The following CNTN5 variants were observed in gnomAD, a reference collection of about 807,000 sequenced individuals.
The protein encoded by CNTN5 is contactin-5.
A neutral mutation model predicts 129.1 loss-of-function variants in CNTN5; 77 were observed. That is an observed-to-expected ratio of 0.60 (90% CI 0.50 to 0.72). CNTN5 has a LOEUF of 0.72. Ranked by LOEUF, CNTN5 falls within the 30% of genes least tolerant of loss-of-function variation. The pLI is 0.00. For missense variants in CNTN5, 1,478 were observed against 1,328.8 expected (o/e 1.11, Z -1.75); for synonymous variants, 509 against 465.6 (o/e 1.09, Z -1.20).
intron 16 of CNTN5, among the ~76,000 whole-genome samples, chr11:100,231,553 T>TA (rs914437673): frequency 3.3e-5 from 5 of 152,256 alleles, no homozygotes; most frequent in South Asian, 2.1e-4. Context: ...AAGTTATACT[T>TA]AGAGTGTCAA....
chr11:99,746,820 A>C (rs1338886844), intron 3 of CNTN5, among the ~76,000 whole-genome samples: 1 of 152,158 alleles, frequency 6.6e-6, no homozygotes, highest in Non-Finnish European at 1.5e-5. Context: ...ATGTTTTGTT[A>C]ATTATAGTGT....
intron 3 of CNTN5, among the ~76,000 whole-genome samples, chr11:99,807,958 T>C (rs1372216071): frequency 1.3e-5 from 2 of 152,190 alleles, no homozygotes; most frequent in Non-Finnish European, 1.5e-5. Flanking sequence ...ATCTGAACCC[T>C]GTAACTTATT....
chr11:99,336,673 C>T (rs1204864637), intron 2 of CNTN5, among the ~76,000 whole-genome samples: 1 of 151,904 alleles, frequency 6.6e-6, no homozygotes, highest in Non-Finnish European at 1.5e-5. Flanking sequence ...GACTCCGTCT[C>T]TACTAAAAGT....
rs117016039 is a variant in CNTN5 at position 99,970,596 on chromosome 11, C to T, written c.877+13587C>T. On this transcript the variant is annotated intron_variant, in intron 8 of 24. Transcript: ENST00000524871. Reference sequence around the variant, plus strand: ...ACTTAGAAAAGTGCCTGTTATTTAACAAACTTTAGTAAAGGTTAGCTATTA... The same window carrying T: ...ACTTAGAAAAGTGCCTGTTATTTAATAAACTTTAGTAAAGGTTAGCTATTA... Among the ~76,000 whole-genome samples, 143 of 152,246 alleles carry T rather than the reference C, an allele frequency of 9.4e-4. 2 individuals carry two copies. The East Asian group carries it at 0.023, about 25-fold the overall frequency.
At chr11:99,701,770 G>T (rs950381093) in intron 3 of CNTN5, among the ~76,000 whole-genome samples, 1 of 150,882 alleles carries the variant, frequency 6.6e-6, no homozygotes, top group Non-Finnish European at 1.5e-5. Context: ...ATTTAGAATT[G>T]TTCTCTGACT....
chr11:99,809,709 C>T (rs1356582406), intron 3 of CNTN5, among the ~76,000 whole-genome samples: 1 of 152,058 alleles, frequency 6.6e-6, no homozygotes, highest in Non-Finnish European at 1.5e-5. Context: ...TATGTAAAAG[C>T]ACAACTTGCC....
intron 1 of CNTN5, among the ~76,000 whole-genome samples, chr11:99,200,519 T>A (rs1291221231): frequency 6.6e-6 from 1 of 152,168 alleles, no homozygotes; most frequent in African/African-American, 2.4e-5. Flanking sequence ...GACAAGGAGA[T>A]GTAGGCCCAT....
chr11:100,278,405 A>G (rs887750805), intron 18 of CNTN5, among the ~76,000 whole-genome samples: 5 of 152,094 alleles, frequency 3.3e-5, no homozygotes, highest in African/African-American at 7.2e-5. Flanking sequence ...TTTGGATAGT[A>G]TGGACATTTT....
At chr11:99,906,365 T>C (rs550067038) in intron 6 of CNTN5, among the ~76,000 whole-genome samples, 3 of 152,302 alleles carry the variant, frequency 2.0e-5, no homozygotes, top group Admixed American at 6.5e-5. Flanking sequence ...TGTTGAATTT[T>C]GTTGAAGGTC....
At chr11:100,212,832 A>G (rs1260777490) in intron 15 of CNTN5, among the ~76,000 whole-genome samples, 1 of 152,096 alleles carries the variant, frequency 6.6e-6, no homozygotes, top group Non-Finnish European at 1.5e-5. Flanking sequence ...GTGGACACCA[A>G]CCATGTTTTA....
intron 3 of CNTN5, among the ~76,000 whole-genome samples, chr11:99,705,644 G>A (rs1174144588): frequency 2.0e-5 from 3 of 151,430 alleles, no homozygotes; most frequent in Non-Finnish European, 4.4e-5. Flanking sequence ...AAATGCAGTT[G>A]TTTATAAAAC....
At chr11:99,128,351 C>T (rs1343074059) in intron 1 of CNTN5, among the ~76,000 whole-genome samples, 3 of 152,184 alleles carry the variant, frequency 2.0e-5, no homozygotes, top group Admixed American at 6.5e-5. Flanking sequence ...CTCCCCACAG[C>T]GTAGCACAGC....
chr11:99,565,368 G>T (rs1173543055), intron 3 of CNTN5, among the ~76,000 whole-genome samples: 1 of 152,164 alleles, frequency 6.6e-6, no homozygotes, highest in East Asian at 1.9e-4. Flanking sequence ...GCAGAGAAGA[G>T]AAAAAGACTA....
intron 6 of CNTN5, among the ~76,000 whole-genome samples, chr11:99,890,530 A>C (rs185689584): frequency 1.3e-5 from 2 of 152,094 alleles, no homozygotes; most frequent in East Asian, 1.9e-4. Context: ...TGAAACATAC[A>C]TGTATGTATA....
chr11:99,564,634 A>G (rs1194556542), intron 3 of CNTN5, among the ~76,000 whole-genome samples: 1 of 152,224 alleles, frequency 6.6e-6, no homozygotes, highest in East Asian at 1.9e-4. Flanking sequence ...AGGTAATCAT[A>G]ATTACTGTAG....
chr11:99,448,366 T>C (rs1944155509), intron 2 of CNTN5, among the ~76,000 whole-genome samples: 1 of 152,232 alleles, frequency 6.6e-6, no homozygotes, highest in African/African-American at 2.4e-5. Flanking sequence ...CTAAAAACTG[T>C]CAATACATTC....
chr11:99,251,008 A>G (rs893868378), intron 1 of CNTN5, among the ~76,000 whole-genome samples: 1 of 151,972 alleles, frequency 6.6e-6, no homozygotes, highest in Non-Finnish European at 1.5e-5. Context: ...ATTGATAGCT[A>G]CTTTCTAAAA....
intron 2 of CNTN5, among the ~76,000 whole-genome samples, chr11:99,332,966 C>T (rs546149984): frequency 4.9e-4 from 75 of 152,120 alleles, no homozygotes; most frequent in African/African-American, 1.8e-3. Context: ...AATATCCATA[C>T]TTTCATGCAT....
At chr11:100,034,197 G>A (rs752476371) in intron 9 of CNTN5, among the ~76,000 whole-genome samples, 1 of 152,110 alleles carries the variant, frequency 6.6e-6, no homozygotes, top group Non-Finnish European at 1.5e-5. Context: ...TGGATGAAAT[G>A]GTAATTCCTG....
Sources: allele counts gnomAD v4.1 joint callset (sites outside exome capture counted in the v4.1 genomes callset), GRCh38; gene constraint gnomAD v4.1.1; transcripts MANE v1.5; gene names NCBI Gene and HGNC (gene_info 2026-07-23, HGNC 2026-07-21).